MGAT5B: variants seen among roughly 807,000 people sequenced by gnomAD.
MGAT5B encodes the protein N-acetylglucosaminyl-transferase Vb.
MGAT5B carries 54 observed loss-of-function variants against 95.1 expected under a neutral mutation model. That is an observed-to-expected ratio of 0.57 (90% confidence interval 0.46 to 0.71). The LOEUF is 0.71. Ranked by LOEUF, MGAT5B falls within the 30% of genes least tolerant of loss-of-function variation. The pLI, the probability that MGAT5B is intolerant of heterozygous loss-of-function variation, is 0.00. For synonymous variants in MGAT5B, 464 were observed against 451.0 expected, an observed-to-expected ratio of 1.03 and a Z score of -0.36; for missense variants, 935 against 1,088.6, an observed-to-expected ratio of 0.86 and a Z score of 1.99.
chr17:76,875,625 A>C (rs908814182), intron 2 of MGAT5B, among the ~76,000 whole-genome samples: 1 of 108,906 alleles, frequency 9.2e-6, no homozygotes, highest in Non-Finnish European at 1.8e-5. Context: ...GAGACTCACT[A>C]TCTTGTATGC....
chr17:76,924,827 A>G (rs1214971516), intron 8 of MGAT5B, 139 bp from the exon 9 acceptor site: 1 of 1,114,830 alleles, frequency 9.0e-7, no homozygotes, highest in Non-Finnish European at 1.3e-6. Context: ...GTACAGGGCC[A>G]TCCTGCTCAC....
At chr17:76,884,878 AG>A (rs2145142171) in intron 3 of MGAT5B, among the ~76,000 whole-genome samples, 1 of 152,206 alleles carries the variant, frequency 6.6e-6, no homozygotes, top group South Asian at 2.1e-4. Flanking sequence ...CTGGGATTAT[AG>A]GTGTGAGCCA....
chr17:76,918,486 C>T lies in MGAT5B; in HGVS notation c.1026-6480C>T, dbSNP rs888886776. Reference sequence around the variant, plus strand: ...CTGCTTCTGTTGGGTACAGGGAGGTCAGTCCATCCTGGGCAGGAAGAAAAT... The same window carrying T: ...CTGCTTCTGTTGGGTACAGGGAGGTTAGTCCATCCTGGGCAGGAAGAAAAT... On this transcript the variant is annotated intron_variant, in intron 8 of 17. Coordinates refer to ENST00000569840, the MANE Select transcript of MGAT5B (RefSeq NM_001199172.2). This position sits in a 1 kb window ranked among gnomAD's most constrained non-coding sequence, Gnocchi z 5.1. 2.0e-5 allele frequency among the ~76,000 whole-genome samples: 3 copies of T among 152,216 alleles called. No individual in the cohort carries two copies. The highest frequency in any genetic ancestry group is 2.9e-5 in the Non-Finnish European group (2 of 68,032).
rs779931076 is a variant in MGAT5B, at chr17:76,938,162, C to T, written c.1584+19C>T. The T allele has an allele frequency of 6.2e-7, 1 of 1,611,982 alleles. No homozygotes were observed. The highest frequency in any genetic ancestry group is 8.5e-7 in the Non-Finnish European group (1 of 1,178,628). Reference sequence around the variant, plus strand: ...GGCCAAAGTGAGCTCCCATCCCCCGCACCATTCTCACACTTGCCGGCTGCA... The same window carrying T: ...GGCCAAAGTGAGCTCCCATCCCCCGTACCATTCTCACACTTGCCGGCTGCA... On this transcript the variant is annotated intron_variant, in intron 13 of 17. Transcript: ENST00000569840. The surrounding 1 kb of genome is among the most constrained non-coding windows in gnomAD (Gnocchi z 4.3).
chr17:76,879,358 G>A (rs568603835), intron 2 of MGAT5B, among the ~76,000 whole-genome samples: 29 of 152,228 alleles, frequency 1.9e-4, no homozygotes, highest in Non-Finnish European at 2.8e-4. Context: ...CTGCAGGAAC[G>A]AGCTGCTGAC....
chr17:76,897,669 C>CT (rs1197792649), intron 3 of MGAT5B, among the ~76,000 whole-genome samples: 1 of 69,218 alleles, frequency 1.4e-5, no homozygotes, highest in Non-Finnish European at 2.4e-5. Context: ...CACTTTCTTT[C>CT]TTTCTTTCTT....
At chr17:76,884,602 ATTTTT>A (rs11338232) in intron 3 of MGAT5B, among the ~76,000 whole-genome samples, 1 of 125,492 alleles carries the variant, frequency 8.0e-6, no homozygotes, top group Non-Finnish European at 1.6e-5. Flanking sequence ...TGCCCAGCTA[ATTTTT>A]TTTTTTTTTT....
rs1598877378 is a variant in MGAT5B, at chr17:76,869,491, T to A, written c.68+394T>A. Among the ~76,000 whole-genome samples, 1 of 152,048 alleles carries A rather than the reference T, an allele frequency of 6.6e-6. No homozygotes were observed. The highest frequency in any genetic ancestry group is 6.5e-5 in the Admixed American group (1 of 15,272). On this transcript the variant is annotated intron_variant, in intron 1 of 17. Coordinates refer to ENST00000569840, the MANE Select transcript of MGAT5B (RefSeq NM_001199172.2). This position sits in a 1 kb window ranked among gnomAD's most constrained non-coding sequence, Gnocchi z 7.0. ...GGTGGCAAAGTTAGTGTGCGGCGCC[T>A]TGGAGCTCCCCCTCCGGTCCCTCCC...
In MGAT5B at chr17:76,916,014, C is replaced by T. The variant is rs963760093; in HGVS notation, c.1026-8952C>T. On this transcript the variant is annotated intron_variant, in intron 8 of 17. Transcript: ENST00000569840. This position sits in a 1 kb window ranked among gnomAD's most constrained non-coding sequence, Gnocchi z 5.3. Reference sequence around the variant, plus strand: ...AAGGGGACAGAGAGGGAGCAGGCGCCGGCATGCCGAGTGTGGCGGGGTCAC... The same window carrying T: ...AAGGGGACAGAGAGGGAGCAGGCGCTGGCATGCCGAGTGTGGCGGGGTCAC... Among the ~76,000 whole-genome samples the T allele has an allele frequency of 2.0e-5, 3 of 152,232 alleles. No homozygotes were observed. The highest frequency in any genetic ancestry group is 1.9e-4 in the East Asian group (1 of 5,192).
At chr17:76,897,337 G>A (rs1405915054) in intron 3 of MGAT5B, among the ~76,000 whole-genome samples, 1 of 152,180 alleles carries the variant, frequency 6.6e-6, no homozygotes, top group East Asian at 1.9e-4. Context: ...TAAACCAACA[G>A]AAATTTACTC....
chr17:76,939,275 G>A (rs543833268), intron 13 of MGAT5B, among the ~76,000 whole-genome samples: 27 of 151,896 alleles, frequency 1.8e-4, no homozygotes, highest in African/African-American at 6.3e-4. Context: ...CGAGGTGGGC[G>A]GATCACGAGG....
chr17:76,898,347 T>G (rs1968176956), intron 3 of MGAT5B, among the ~76,000 whole-genome samples: 1 of 144,344 alleles, frequency 6.9e-6, no homozygotes, highest in South Asian at 2.2e-4. Context: ...TTTTTTTTTT[T>G]GAGACAGAGT....
intron 3 of MGAT5B, among the ~76,000 whole-genome samples, chr17:76,891,948 G>A (rs1188917646): frequency 6.6e-6 from 1 of 152,142 alleles, no homozygotes; most frequent in African/African-American, 2.4e-5. Flanking sequence ...ACCCTAACAG[G>A]CCTTGAGGAG....
At chr17:76,928,762 G>A (rs1480917313) in intron 10 of MGAT5B, among the ~76,000 whole-genome samples, 1 of 152,068 alleles carries the variant, frequency 6.6e-6, no homozygotes, top group African/African-American at 2.4e-5. Flanking sequence ...TCAGATTGGA[G>A]GCTGGTAAGA....
At chr17:76,888,422 C>T (rs943832388) in intron 3 of MGAT5B, among the ~76,000 whole-genome samples, 4 of 152,130 alleles carry the variant, frequency 2.6e-5, no homozygotes, top group African/African-American at 4.8e-5. Context: ...ACTCAGGTCT[C>T]CCGGTATGCG....
intron 8 of MGAT5B, among the ~76,000 whole-genome samples, chr17:76,910,904 A>C (rs947531328): frequency 6.6e-6 from 1 of 152,248 alleles, no homozygotes; most frequent in Non-Finnish European, 1.5e-5. Context: ...GATCTTAGGA[A>C]GGTGATTTCT....
chr17:76,936,048 G>T (rs1228308879), intron 12 of MGAT5B, among the ~76,000 whole-genome samples: 1 of 149,950 alleles, frequency 6.7e-6, no homozygotes, highest in South Asian at 2.1e-4. Context: ...CGATCCTCCC[G>T]CCTCAGCCTC....
chr17:76,877,142 G>A (rs1417803112), intron 2 of MGAT5B, among the ~76,000 whole-genome samples: 8 of 152,002 alleles, frequency 5.3e-5, no homozygotes, highest in East Asian at 1.9e-4. Flanking sequence ...CCTGGCCAGC[G>A]TGGTGAAACC....
rs1435014928 is a variant in MGAT5B at position 76,870,841 on chromosome 17, G to C, written c.68+1744G>C. Among the ~76,000 whole-genome samples, 1 of 152,170 alleles carries C rather than the reference G, an allele frequency of 6.6e-6. No homozygotes were observed. Among genetic ancestry groups the C allele is most frequent in the Non-Finnish European group, 1.5e-5 (1 of 68,026 alleles). On this transcript the variant is annotated intron_variant, in intron 1 of 17. Transcript: ENST00000569840. The surrounding 1 kb of genome is among the most constrained non-coding windows in gnomAD (Gnocchi z 5.0). ...TGTGGTTTTCCCAGGGCTGCTGGCA[G>C]GGTCTTTATTCCATAGGTGCCCCTG...
Sources: gnomAD v4.1 joint callset for allele counts (sites outside exome capture counted in the v4.1 genomes callset) on GRCh38, gnomAD v4.1.1 for gene constraint, Gnocchi (gnomAD v3.1) non-coding constraint, MANE v1.5 for transcripts, NCBI Gene and HGNC (gene_info 2026-07-23, HGNC 2026-07-21) for gene names.